FRMD6: variants seen among roughly 807,000 people sequenced by gnomAD.
The protein encoded by FRMD6 is FERM domain-containing protein 6.
In FRMD6, 37 loss-of-function variants were observed where a neutral mutation model predicts 73.2. The ratio of observed to expected loss-of-function variants is 0.51; its 90% CI spans 0.39 to 0.66. FRMD6 has a LOEUF of 0.66. Among genes scored for constraint, FRMD6 ranks in the 30% least tolerant of loss-of-function variants. FRMD6 has a pLI of 0.00. For synonymous variants in FRMD6, 273 were observed against 282.2 expected, an observed-to-expected ratio of 0.97 and a Z score of 0.33; for missense variants, 714 against 780.5, an observed-to-expected ratio of 0.91 and a Z score of 1.02.
In FRMD6 at chr14:51,652,016, G is replaced by T. The variant is rs1032203741; in HGVS notation, c.-147+20G>T. The T allele has an allele frequency of 6.6e-6, 1 of 152,098 alleles. No individual in the cohort carries two copies. The highest frequency in any genetic ancestry group is 1.5e-5 in the Non-Finnish European group (1 of 68,042). 9.4% of individuals were successfully genotyped at this position (152,098 alleles called of 1,614,324 possible). On this transcript the variant is annotated intron_variant, in intron 1 of 13. Coordinates refer to ENST00000344768, the MANE Select transcript of FRMD6 (RefSeq NM_001267046.2). ...TCCGAGGTATGAACAAGAACCAGGC[G>T]TCTGGGCCCTTTCCGCTCGCCCCAT...
chr14:51,432,420 A>G, the FRMD6 span, among the ~76,000 whole-genome samples: 1 of 152,150 alleles, frequency 6.6e-6, no homozygotes, highest in South Asian at 2.1e-4. Context: ...AAACAGGTAG[A>G]GGAATTCACA....
At chr14:51,512,581 A>G (rs886733665) in intron 1 of FRMD6, among the ~76,000 whole-genome samples, 1 of 150,696 alleles carries the variant, frequency 6.6e-6, no homozygotes, top group African/African-American at 2.4e-5. Flanking sequence ...GGAAGTCACA[A>G]CCTCCTTCTG....
At chr14:51,569,807 TTTC>T (rs1888005856) in intron 1 of FRMD6, among the ~76,000 whole-genome samples, 1 of 145,154 alleles carries the variant, frequency 6.9e-6, no homozygotes, top group African/African-American at 2.6e-5. Flanking sequence ...CGGCCAGAAT[TTTC>T]TTTCTTCTTT....
chr14:51,459,884 C>CTCTTTTTTTTTTTTTTTTT, the FRMD6 span, among the ~76,000 whole-genome samples: 3 of 74,650 alleles, frequency 4.0e-5, no homozygotes, highest in African/African-American at 1.2e-4. Flanking sequence ...TACTGACTCT[C>CTCTTTTTTTTTTTTTTTTT]TTTTTTTTTT....
intron 1 of FRMD6, among the ~76,000 whole-genome samples, chr14:51,565,656 C>T (rs1391552503): frequency 2.6e-5 from 4 of 151,920 alleles, no homozygotes; most frequent in East Asian, 1.9e-4. Flanking sequence ...GACAATGCCA[C>T]GGTAAATATG....
At chr14:51,433,754 T>G in the FRMD6 span, among the ~76,000 whole-genome samples, 1 of 152,156 alleles carries the variant, frequency 6.6e-6, no homozygotes, top group East Asian at 1.9e-4. Flanking sequence ...GAATATGCCT[T>G]TACTATATAG....
the FRMD6 span, among the ~76,000 whole-genome samples, chr14:51,447,144 AT>A: frequency 6.6e-6 from 1 of 152,190 alleles, no homozygotes; most frequent in Non-Finnish European, 1.5e-5. Flanking sequence ...TTTCCATGGC[AT>A]GGAGTAGAAA....
intron 1 of FRMD6, among the ~76,000 whole-genome samples, chr14:51,558,322 G>T (rs1041203322): frequency 1.3e-5 from 2 of 152,042 alleles, no homozygotes; most frequent in African/African-American, 4.8e-5. Context: ...ACAAAAATTA[G>T]CCAGGCATGG....
the FRMD6 span, among the ~76,000 whole-genome samples, chr14:51,402,928 G>A: frequency 6.6e-5 from 10 of 151,990 alleles, no homozygotes; most frequent in African/African-American, 1.9e-4. Flanking sequence ...GTGAGCCACC[G>A]CGCCCAGCTA....
At chr14:51,523,655 C>A (rs1885070290) in intron 1 of FRMD6, among the ~76,000 whole-genome samples, 1 of 152,176 alleles carries the variant, frequency 6.6e-6, no homozygotes, top group Admixed American at 6.5e-5. Context: ...GTGACAAATT[C>A]AGGGTCCTTC....
the FRMD6 span, among the ~76,000 whole-genome samples, chr14:51,442,834 A>T: frequency 3.9e-5 from 6 of 152,212 alleles, no homozygotes; most frequent in Admixed American, 3.9e-4. Context: ...GGTACAAAAC[A>T]TGTTGAAGCT....
the FRMD6 span, among the ~76,000 whole-genome samples, chr14:51,397,865 T>C: frequency 6.6e-6 from 1 of 152,210 alleles, no homozygotes; most frequent in Admixed American, 6.5e-5. Context: ...CATAAATGAA[T>C]TTTTTGTTCA....
In FRMD6 at chr14:51,729,544, G is replaced by A. The variant is rs1360458532; in HGVS notation, c.*1515G>A. On this transcript the variant is annotated 3_prime_UTR_variant, in exon 14 of 14. Coordinates refer to ENST00000344768, the MANE Select transcript of FRMD6 (RefSeq NM_001267046.2). ...AATGATTTAGTATTTTACAACATTTGTTTACCATATTTTGATATACCATTT... is the reference window on the plus strand; with the variant it reads ...AATGATTTAGTATTTTACAACATTTATTTACCATATTTTGATATACCATTT... The A allele has an allele frequency of 6.6e-6, 1 of 152,428 alleles. No individual in the cohort carries two copies. Among genetic ancestry groups the A allele is most frequent in the Admixed American group, 6.5e-5 (1 of 15,268 alleles). The allele number at this position is 152,428 out of a possible 1,614,324, so 9.4% of individuals were successfully genotyped here.
At position 51,592,954 on chromosome 14, in the gene FRMD6, T is replaced by C. The variant is rs530348586; in HGVS notation, c.-147+22544T>C. ...TGCATTCCTCATTGTAGCACCTATTTTTAAGGCTTCCCTATCTGAGTCAGC... is the reference window on the plus strand; with the variant it reads ...TGCATTCCTCATTGTAGCACCTATTCTTAAGGCTTCCCTATCTGAGTCAGC... On this transcript the variant is annotated intron_variant, in intron 2 of 14. Coordinates refer to the FRMD6 transcript ENST00000356218. Among the ~76,000 whole-genome samples, 3 of 152,358 alleles carry C rather than the reference T, an allele frequency of 2.0e-5. No individual in the cohort carries two copies. The South Asian group carries it at 6.2e-4, about 32-fold the overall frequency.
chr14:51,554,548 T>C (rs970500702), intron 1 of FRMD6: 7 of 152,176 alleles, frequency 4.6e-5, no homozygotes, highest in Non-Finnish European at 1.0e-4. Flanking sequence ...TGATATGATG[T>C]GATGAAAATG....
In FRMD6 at chr14:51,632,959, T is replaced by A. The variant is rs1476024832; in HGVS notation, c.-146-56732T>A. 3.3e-5 allele frequency among the ~76,000 whole-genome samples: 5 copies of A among 152,340 alleles called. No individual in the cohort carries two copies. In the South Asian group the frequency reaches 1.0e-3, roughly 32 times the overall value. Reference sequence around the variant, plus strand: ...AAATGCTAAGAAATTATTATTAAATTTGTTAGGTGTGATTATGGTATCTGG... The same window carrying A: ...AAATGCTAAGAAATTATTATTAAATATGTTAGGTGTGATTATGGTATCTGG... On this transcript the variant is annotated intron_variant, in intron 2 of 14. Transcript: ENST00000356218.
intron 1 of FRMD6, among the ~76,000 whole-genome samples, chr14:51,514,316 G>A (rs1303945358): frequency 2.0e-5 from 3 of 151,758 alleles, no homozygotes; most frequent in Non-Finnish European, 2.9e-5. Context: ...ATGACACAGG[G>A]AGGGGAACAT....
At chr14:51,453,635 C>A in the FRMD6 span, among the ~76,000 whole-genome samples, 2 of 152,104 alleles carry the variant, frequency 1.3e-5, no homozygotes, top group African/African-American at 2.4e-5. Context: ...AATTGAAGGA[C>A]CTAAGTGATT....
Position 51,545,313 on chromosome 14 carries a change from A to C in FRMD6, c.-209-25035A>C, listed in dbSNP as rs563000569. On this transcript the variant is annotated intron_variant, in intron 1 of 14. Transcript: ENST00000356218. Reference sequence around the variant, plus strand: ...GCCCCATGATTAGAAAGGAGTACAGAGGTTGACACTCCACTCTGTACTCCA... The same window carrying C: ...GCCCCATGATTAGAAAGGAGTACAGCGGTTGACACTCCACTCTGTACTCCA... Among the ~76,000 whole-genome samples, 35 of 152,138 alleles carry C rather than the reference A, an allele frequency of 2.3e-4. No homozygotes were observed. The South Asian group carries it at 5.8e-3, about 25-fold the overall frequency.
Sources: gnomAD v4.1 joint callset for allele counts (sites outside exome capture counted in the v4.1 genomes callset) on GRCh38, gnomAD v4.1.1 for gene constraint, MANE v1.5 for transcripts, NCBI Gene and HGNC (gene_info 2026-07-23, HGNC 2026-07-21) for gene names.